ASIC2: variants seen among roughly 807,000 people sequenced by gnomAD.
ASIC2 encodes the protein acid sensing ion channel subunit 2, also known as acid-sensing ion channel 2.
A neutral mutation model predicts 57.3 loss-of-function variants in ASIC2; 25 were observed. The ratio of observed to expected loss-of-function variants is 0.44; its 90% confidence interval spans 0.32 to 0.61. The LOEUF (loss-of-function observed/expected upper bound fraction) is 0.61, where lower values mean the gene tolerates loss of function less well. ASIC2 is among the 20% of genes least tolerant of loss of function. The pLI, the probability that ASIC2 is intolerant of heterozygous loss-of-function variation, is 0.06. For missense variants in ASIC2, 641 were observed against 738.1 expected, an observed-to-expected ratio of 0.87 and a Z score of 1.52; for synonymous variants, 319 against 307.5, an observed-to-expected ratio of 1.04 and a Z score of -0.39.
At chr17:33,812,194 G>A (rs1304869632) in intron 1 of ASIC2, among the ~76,000 whole-genome samples, 2 of 152,104 alleles carry the variant, frequency 1.3e-5, no homozygotes, top group African/African-American at 2.4e-5. Flanking sequence ...GATCAGCAGG[G>A]TGACGGCATC....
At chr17:34,041,853 C>G (rs752631998) in intron 1 of ASIC2, among the ~76,000 whole-genome samples, 1 of 152,204 alleles carries the variant, frequency 6.6e-6, no homozygotes, top group Non-Finnish European at 1.5e-5. Flanking sequence ...ATATTCCTCC[C>G]TCTGATCCAT....
Position 33,044,937 on chromosome 17 carries a change from T to A in ASIC2, c.988-16545A>T, listed in dbSNP as rs373454677. On this transcript the variant is annotated intron_variant, in intron 3 of 9. Coordinates refer to ENST00000225823, the MANE Select transcript of ASIC2 (RefSeq NM_183377.2). The stretch of plus-strand genomic sequence containing the variant: ...TGAGTTTAGAAAGACTATGTTTTTT[T>A]AGGCAGATCAGGAGTGGGAAATGTG... Among the ~76,000 whole-genome samples, 8 of 152,246 alleles carry A rather than the reference T, an allele frequency of 5.3e-5. No individual in the cohort carries two copies. The East Asian group carries it at 1.4e-3, about 26-fold the overall frequency.
At chr17:34,088,072 A>G (rs910454514) in intron 1 of ASIC2, among the ~76,000 whole-genome samples, 4 of 152,082 alleles carry the variant, frequency 2.6e-5, no homozygotes, top group African/African-American at 4.8e-5. Context: ...GCTTTGTTCC[A>G]TTGCTGGTGA....
At chr17:33,389,113 C>T (rs1392845206) in intron 1 of ASIC2, among the ~76,000 whole-genome samples, 1 of 152,238 alleles carries the variant, frequency 6.6e-6, no homozygotes. Context: ...GCACAAGCCA[C>T]CATGCCTGGC....
At chr17:33,085,586 C>T (rs542376271) in intron 3 of ASIC2, among the ~76,000 whole-genome samples, 1 of 152,192 alleles carries the variant, frequency 6.6e-6, no homozygotes, top group Non-Finnish European at 1.5e-5. Flanking sequence ...GCAGAGACTG[C>T]GTCTCTTTTG....
rs74657505 is a variant in ASIC2, at chr17:33,742,309, T to C, written c.555+413669A>G. Among the ~76,000 whole-genome samples, 65 of 152,336 alleles carry C rather than the reference T, an allele frequency of 4.3e-4. No individual in the cohort carries two copies. In the East Asian group the frequency reaches 0.012, roughly 28 times the overall value. On this transcript the variant is annotated intron_variant, in intron 1 of 9. Transcript: ENST00000359872. ...ATTAAGCCTCTCTAACCACAAGCTATTCCCACTACCTACAATGCCACCTCC... is the reference window on the plus strand; with the variant it reads ...ATTAAGCCTCTCTAACCACAAGCTACTCCCACTACCTACAATGCCACCTCC...
intron 1 of ASIC2, among the ~76,000 whole-genome samples, chr17:33,819,752 G>C (rs1912693154): frequency 6.6e-6 from 1 of 152,198 alleles, no homozygotes. Flanking sequence ...TACCTGCTGT[G>C]TGATCTTGTG....
At chr17:33,628,543 A>C (rs1319426675) in intron 1 of ASIC2, among the ~76,000 whole-genome samples, 1 of 151,670 alleles carries the variant, frequency 6.6e-6, no homozygotes, top group Non-Finnish European at 1.5e-5. Context: ...TGATTCTCCT[A>C]CCTTGACCTC....
chr17:33,094,069 G>A (rs957860745), intron 2 of ASIC2, among the ~76,000 whole-genome samples: 2 of 152,142 alleles, frequency 1.3e-5, no homozygotes, highest in Non-Finnish European at 2.9e-5. Context: ...GCCTTGTGTG[G>A]GTATGGGATA....
At chr17:33,148,022 A>AG in intron 1 of ASIC2, among the ~76,000 whole-genome samples, 1 of 152,318 alleles carries the variant, frequency 6.6e-6, no homozygotes, top group African/African-American at 2.4e-5. Flanking sequence ...AGGCCTGGAG[A>AG]GGGGCAAAGA....
In ASIC2 at chr17:33,484,818, C is replaced by T. The variant is rs747841763; in HGVS notation, c.556-372751G>A. Among the ~76,000 whole-genome samples, 121 of 152,210 alleles carry T rather than the reference C, an allele frequency of 7.9e-4. 2 individuals carry two copies. Among genetic ancestry groups the T allele is most frequent in the Non-Finnish European group, 1.4e-3 (97 of 68,026 alleles). On this transcript the variant is annotated intron_variant, in intron 1 of 9. Coordinates refer to the ASIC2 transcript ENST00000359872. ...TGGCAACACCCAGGAGTTACTGCCCCTTTCCATAGCAACAACACAAAAGCT... is the reference window on the plus strand; with the variant it reads ...TGGCAACACCCAGGAGTTACTGCCCTTTTCCATAGCAACAACACAAAAGCT...
At chr17:33,566,732 T>G (rs1284906980) in intron 1 of ASIC2, among the ~76,000 whole-genome samples, 1 of 152,164 alleles carries the variant, frequency 6.6e-6, no homozygotes, top group Non-Finnish European at 1.5e-5. Flanking sequence ...CCACTCCTTG[T>G]GATAATCTCC....
At chr17:33,693,817 C>T (rs1682147448) in intron 1 of ASIC2, among the ~76,000 whole-genome samples, 1 of 152,164 alleles carries the variant, frequency 6.6e-6, no homozygotes, top group Non-Finnish European at 1.5e-5. Flanking sequence ...TGTGAGTACA[C>T]ATGCCTGGTG....
chr17:33,910,353 C>G (rs1438578145), intron 1 of ASIC2, among the ~76,000 whole-genome samples: 1 of 152,108 alleles, frequency 6.6e-6, no homozygotes, highest in Non-Finnish European at 1.5e-5. Flanking sequence ...AAACAACTGG[C>G]CTAATGTCAC....
chr17:33,343,206 A>G (rs1390718171), intron 1 of ASIC2, among the ~76,000 whole-genome samples: 2 of 152,220 alleles, frequency 1.3e-5, no homozygotes, highest in Non-Finnish European at 2.9e-5. Flanking sequence ...CAGGGCCAGG[A>G]CAACCCACTT....
At chr17:33,543,286 T>TAAAACAAAACAAAAC (rs148641876) in intron 1 of ASIC2, among the ~76,000 whole-genome samples, 4 of 140,652 alleles carry the variant, frequency 2.8e-5, no homozygotes, top group South Asian at 4.3e-4. Context: ...TAAAGTATAA[T>TAAAACAAAACAAAAC]AAAACAAAAC....
chr17:33,271,081 C>T (rs1904471949), intron 1 of ASIC2, among the ~76,000 whole-genome samples: 1 of 152,204 alleles, frequency 6.6e-6, no homozygotes, highest in Non-Finnish European at 1.5e-5. Context: ...AGGGGAGAAG[C>T]CTGTCCTTTG....
chr17:33,640,753 A>G (rs1906536250), intron 1 of ASIC2, among the ~76,000 whole-genome samples: 1 of 151,178 alleles, frequency 6.6e-6, no homozygotes, highest in Non-Finnish European at 1.5e-5. Context: ...AGTCATTCTC[A>G]ACAGATGCTT....
chr17:33,804,040 T>C (rs2142148142), intron 1 of ASIC2, among the ~76,000 whole-genome samples: 1 of 152,308 alleles, frequency 6.6e-6, no homozygotes, highest in Middle Eastern at 3.4e-3. Flanking sequence ...TGTCTCCATG[T>C]TCTCTCCCTT....
Sources: allele counts gnomAD v4.1 joint callset (sites outside exome capture counted in the v4.1 genomes callset), GRCh38; gene constraint gnomAD v4.1.1; transcripts MANE v1.5; gene names NCBI Gene and HGNC (gene_info 2026-07-23, HGNC 2026-07-21).